The following AGFG1 variants were observed in gnomAD, a reference collection of about 807,000 sequenced individuals.
AGFG1 encodes the protein ArfGAP with FG repeats 1.
In AGFG1, 10 loss-of-function variants were observed where a neutral mutation model predicts 60.6. The ratio of observed to expected loss-of-function variants is 0.16; its 90% CI spans 0.10 to 0.28. AGFG1 has a LOEUF of 0.28. AGFG1 is among the 10% of genes least tolerant of loss of function. The pLI is 1.00. For missense variants in AGFG1, 537 were observed against 676.5 expected, an observed-to-expected ratio of 0.79 and a Z score of 2.29; for synonymous variants, 247 against 242.9, an observed-to-expected ratio of 1.02 and a Z score of -0.16.
chr2:227,556,437 C>T lies in AGFG1; in HGVS notation c.*1942C>T, dbSNP rs1460310360. The T allele has an allele frequency of 6.6e-6, 1 of 152,644 alleles. No homozygotes were observed. The highest frequency in any genetic ancestry group is 1.5e-5 in the Non-Finnish European group (1 of 68,038). The allele number at this position is 152,644 out of a possible 1,614,324, so 9.5% of individuals were successfully genotyped here. ...CTCTTCTTTTAGAATTAAATGAATG[C>T]TGCACAGGTCCAGATGTGTGTTGAT... On this transcript the variant is annotated 3_prime_UTR_variant, in exon 13 of 13. Coordinates refer to ENST00000310078, the MANE Select transcript of AGFG1 (RefSeq NM_004504.5).
chr2:227,501,284 T>C (rs1413396930), intron 2 of AGFG1, among the ~76,000 whole-genome samples: 1 of 152,222 alleles, frequency 6.6e-6, no homozygotes, highest in Non-Finnish European at 1.5e-5. Flanking sequence ...TTTTGCCATG[T>C]TGGCCAGGAT....
chr2:227,543,266 TC>T (rs1692547660), intron 10 of AGFG1, among the ~76,000 whole-genome samples: 1 of 152,226 alleles, frequency 6.6e-6, no homozygotes, highest in African/African-American at 2.4e-5. Context: ...TAATTTTATA[TC>T]TTTCCTGCTT....
At chr2:227,472,837 C>G (rs1690142120) in intron 1 of AGFG1, among the ~76,000 whole-genome samples, 1 of 114,786 alleles carries the variant, frequency 8.7e-6, no homozygotes, top group African/African-American at 3.3e-5. Flanking sequence ...GGGCAGCCTT[C>G]GTGGGTGGGA....
At chr2:227,488,434 A>G (rs1690703852) in intron 1 of AGFG1, among the ~76,000 whole-genome samples, 1 of 152,236 alleles carries the variant, frequency 6.6e-6, no homozygotes, top group African/African-American at 2.4e-5. Flanking sequence ...AAAATTTCCA[A>G]AACATACATC....
intron 2 of AGFG1, among the ~76,000 whole-genome samples, chr2:227,496,949 T>A (rs1286547661): frequency 6.6e-6 from 1 of 152,224 alleles, no homozygotes; most frequent in Non-Finnish European, 1.5e-5. Context: ...CTGAGTTTAA[T>A]AATAATGAAA....
intron 1 of AGFG1, among the ~76,000 whole-genome samples, chr2:227,474,566 T>C (rs1214440273): frequency 6.6e-6 from 1 of 152,240 alleles, no homozygotes; most frequent in East Asian, 1.9e-4. Context: ...CACAAATATT[T>C]ATTGCCTACT....
rs369663770 is a variant in AGFG1, at chr2:227,534,474, C to G, written c.1025-371C>G. Among the ~76,000 whole-genome samples the G allele has an allele frequency of 3.3e-5, 5 of 152,266 alleles. No homozygotes were observed. The East Asian group carries it at 7.7e-4, about 23-fold the overall frequency. On this transcript the variant is annotated intron_variant, in intron 7 of 12. Transcript: ENST00000310078. ...TGTGGAGAATGCTGGGGAAATGATG[C>G]TATTGATAGACTGTTCACATTAGGT...
At chr2:227,500,756 A>G (rs886986057) in intron 2 of AGFG1, among the ~76,000 whole-genome samples, 13 of 152,058 alleles carry the variant, frequency 8.5e-5, no homozygotes, top group African/African-American at 3.1e-4. Flanking sequence ...ACTGCAATAT[A>G]TCTATCTTTT....
chr2:227,472,446 C>G lies in AGFG1; in HGVS notation c.25C>G (p.Gln9Glu). 6.5e-7 allele frequency: 1 copy of G among 1,544,314 alleles called. No homozygotes were observed. Among genetic ancestry groups the G allele is most frequent in the Non-Finnish European group, 8.7e-7 (1 of 1,145,926 alleles). Reference sequence around the variant, plus strand: ...CATGGCGGCCAGCGCGAAGCGGAAGCAGGAGGAGAAGCACCTGAAGATGCT... The same window carrying G: ...CATGGCGGCCAGCGCGAAGCGGAAGGAGGAGGAGAAGCACCTGAAGATGCT... MAASAKRK[Q>E]EEKHLKMLRD... Residue 9 changes from glutamine (Q) to glutamate (E), a missense_variant, in exon 1 of 13, where the codon CAG (glutamine) becomes GAG (glutamate). By Grantham distance (29) the Gln-to-Glu change is conservative (BLOSUM62 2). Coordinates refer to ENST00000310078, the MANE Select transcript of AGFG1 (RefSeq NM_004504.5).
chr2:227,480,460 C>T (rs774893416), intron 1 of AGFG1, among the ~76,000 whole-genome samples: 5 of 151,866 alleles, frequency 3.3e-5, no homozygotes, highest in African/African-American at 7.3e-5. Flanking sequence ...AGTGCAGTGG[C>T]GCCAACTCAG....
At chr2:227,473,120 G>A (rs1262335876) in intron 1 of AGFG1, among the ~76,000 whole-genome samples, 1 of 152,138 alleles carries the variant, frequency 6.6e-6, no homozygotes, top group Non-Finnish European at 1.5e-5. Context: ...AGGGACGCCT[G>A]CCTCGCCCGT....
intron 2 of AGFG1, among the ~76,000 whole-genome samples, chr2:227,515,304 G>A (rs1052125100): frequency 1.3e-5 from 2 of 152,054 alleles, no homozygotes; most frequent in Admixed American, 6.6e-5. Context: ...ATATCTGCAT[G>A]GCCCTCTGAA....
intron 10 of AGFG1, among the ~76,000 whole-genome samples, chr2:227,539,319 T>C (rs911749815): frequency 1.3e-5 from 2 of 151,944 alleles, no homozygotes; most frequent in African/African-American, 4.8e-5. Context: ...GGTACGTGCC[T>C]GTAGTCCCAG....
rs919155578 is a variant in AGFG1, at chr2:227,556,266, T to C, written c.*1771T>C. The stretch of plus-strand genomic sequence containing the variant: ...TTTTGCAATGATGACTGAGTTGTTA[T>C]CATAGTATTTTAAAACCTGTATAGT... On this transcript the variant is annotated 3_prime_UTR_variant, in exon 13 of 13. Coordinates refer to ENST00000310078, the MANE Select transcript of AGFG1 (RefSeq NM_004504.5). 1 of 152,310 alleles carries C rather than the reference T, an allele frequency of 6.6e-6. No individual in the cohort carries two copies. The highest frequency in any genetic ancestry group is 6.5e-5 in the Admixed American group (1 of 15,288). The allele number at this position is 152,310 out of a possible 1,614,324, so 9.4% of individuals were successfully genotyped here.
intron 1 of AGFG1, among the ~76,000 whole-genome samples, chr2:227,481,527 C>T (rs1690463789): frequency 6.6e-6 from 1 of 152,160 alleles, no homozygotes; most frequent in Admixed American, 6.5e-5. Flanking sequence ...GCTTCTCCCA[C>T]CTTTGCAGAA....
chr2:227,503,284 G>A (rs983414772), intron 2 of AGFG1, among the ~76,000 whole-genome samples: 18 of 151,120 alleles, frequency 1.2e-4, no homozygotes, highest in Admixed American at 7.3e-4. Flanking sequence ...CGGGTTATAT[G>A]CTCTCTATTA....
At chr2:227,491,129 T>G (rs1330059461) in intron 1 of AGFG1, among the ~76,000 whole-genome samples, 2 of 152,192 alleles carry the variant, frequency 1.3e-5, no homozygotes, top group Non-Finnish European at 2.9e-5. Flanking sequence ...AGCTGTTTGA[T>G]AAGGATATTT....
chr2:227,494,662 C>G (rs1690922994), intron 2 of AGFG1, among the ~76,000 whole-genome samples: 1 of 152,192 alleles, frequency 6.6e-6, no homozygotes, highest in Non-Finnish European at 1.5e-5. Context: ...ACAGAATTAA[C>G]CTGCATGCCA....
At position 227,472,357 on chromosome 2, in the gene AGFG1, C is replaced by T. The variant is rs921040687; in HGVS notation, c.-65C>T. The T allele has an allele frequency of 4.3e-5, 44 of 1,012,270 alleles. No homozygotes were observed. Among genetic ancestry groups the T allele is most frequent in the Non-Finnish European group, 4.9e-5 (41 of 839,646 alleles). The allele number at this position is 1,012,270 out of a possible 1,614,324, so 62.7% of individuals were successfully genotyped here. A position where few individuals can be genotyped will look rare whatever the true frequency, so the allele number is the denominator to read the frequency against. On this transcript the variant is annotated 5_prime_UTR_variant, in exon 1 of 13. Transcript: ENST00000310078. ...GCGGCCAGGGCGGCCCGTGGGACCG[C>T]GGGCCCCCGGCGCAGCGCTGCCCGG...
Sources: gnomAD v4.1 joint callset for allele counts (sites outside exome capture counted in the v4.1 genomes callset) on GRCh38, gnomAD v4.1.1 for gene constraint, MANE v1.5 for transcripts, NCBI Gene and HGNC (gene_info 2026-07-23, HGNC 2026-07-21) for gene names.